The following PCED1B variants were observed in gnomAD, a reference collection of about 807,000 sequenced individuals.
PCED1B encodes PC-esterase domain-containing protein 1B.
For synonymous variants in PCED1B, 251 were observed against 246.1 expected (o/e 1.02, Z -0.19); for missense variants, 573 against 573.9 (o/e 1.00, Z 0.02).
At chr12:47,109,532 A>G (rs1227497943) in intron 2 of PCED1B, among the ~76,000 whole-genome samples, 2 of 152,182 alleles carry the variant, frequency 1.3e-5, no homozygotes, top group Non-Finnish European at 2.9e-5. Context: ...AGAAAATGGC[A>G]AGTTTCTGGA....
At chr12:47,168,319 A>G (rs1941610203) in intron 2 of PCED1B, among the ~76,000 whole-genome samples, 1 of 152,156 alleles carries the variant, frequency 6.6e-6, no homozygotes, top group African/African-American at 2.4e-5. Context: ...CAAGAACATC[A>G]TTTATTCCCT....
chr12:47,169,393 A>G (rs1941646718), intron 2 of PCED1B, among the ~76,000 whole-genome samples: 1 of 151,904 alleles, frequency 6.6e-6, no homozygotes, highest in Non-Finnish European at 1.5e-5. Flanking sequence ...AGGGGAGAAG[A>G]AAGTGTCAGA....
chr12:47,118,624 T>G (rs971821563), intron 2 of PCED1B, among the ~76,000 whole-genome samples: 1 of 152,234 alleles, frequency 6.6e-6, no homozygotes, highest in African/African-American at 2.4e-5. Context: ...TCAGGTAGCA[T>G]GATGCCCCCA....
intron 1 of PCED1B, among the ~76,000 whole-genome samples, chr12:47,094,967 C>T (rs1041333501): frequency 8.1e-5 from 12 of 148,666 alleles, no homozygotes; most frequent in African/African-American, 1.5e-4. Context: ...AATGCAGTGG[C>T]GTGATCATGG....
At chr12:47,182,032 C>T (rs533185531) in intron 2 of PCED1B, among the ~76,000 whole-genome samples, 1 of 152,328 alleles carries the variant, frequency 6.6e-6, no homozygotes, top group Non-Finnish European at 1.5e-5. Flanking sequence ...AAGTCACAAA[C>T]AGTTCTGTTT....
chr12:47,225,371 T>C (rs140937214), intron 3 of PCED1B, among the ~76,000 whole-genome samples: 4,831 of 152,346 alleles, frequency 0.032, 128 homozygotes, highest in Non-Finnish European at 0.049. Flanking sequence ...TATAGGTCAC[T>C]GGATGTTAAC....
At chr12:47,234,917 C>T (rs1565618926) in intron 3 of PCED1B, 90 bp from the exon 4 acceptor site, 1 of 626,552 alleles carries the variant, frequency 1.6e-6, no homozygotes, top group East Asian at 3.0e-5. Flanking sequence ...CAGCGCCATC[C>T]CCTTCCCCAT....
intron 2 of PCED1B, among the ~76,000 whole-genome samples, chr12:47,117,031 G>A (rs533449649): frequency 6.6e-6 from 1 of 152,076 alleles, no homozygotes; most frequent in Non-Finnish European, 1.5e-5. Context: ...CTAGCTACTT[G>A]GGAGGCTGAG....
At chr12:47,187,897 T>G (rs1407499092) in intron 2 of PCED1B, 1 of 154,016 alleles carries the variant, frequency 6.5e-6, no homozygotes, top group Non-Finnish European at 1.5e-5. Context: ...GAGCAAAACT[T>G]TCACCTGCGC....
intron 2 of PCED1B, among the ~76,000 whole-genome samples, chr12:47,161,260 G>T (rs1941367595): frequency 6.6e-6 from 1 of 152,092 alleles, no homozygotes; most frequent in Non-Finnish European, 1.5e-5. Context: ...GGCGACATAT[G>T]GTGTCAGAAA....
At chr12:47,094,947 C>T (rs1212850140) in intron 1 of PCED1B, among the ~76,000 whole-genome samples, 3 of 149,194 alleles carry the variant, frequency 2.0e-5, no homozygotes, top group African/African-American at 7.4e-5. Context: ...CGTTTTGTCA[C>T]ACAAGCTGGA....
At chr12:47,154,356 G>A (rs1941116568) in intron 2 of PCED1B, among the ~76,000 whole-genome samples, 1 of 152,130 alleles carries the variant, frequency 6.6e-6, no homozygotes, top group African/African-American at 2.4e-5. Flanking sequence ...GCACCTGAGG[G>A]AGCTGGGGTT....
chr12:47,149,180 A>G (rs1017975980), intron 2 of PCED1B, among the ~76,000 whole-genome samples: 2 of 152,216 alleles, frequency 1.3e-5, no homozygotes, highest in African/African-American at 4.8e-5. Flanking sequence ...GACATCACTC[A>G]ATTACTTTCA....
chr12:47,117,050 A>G (rs1939451027), intron 2 of PCED1B, among the ~76,000 whole-genome samples: 1 of 152,020 alleles, frequency 6.6e-6, no homozygotes, highest in Non-Finnish European at 1.5e-5. Flanking sequence ...AGATGGGAGG[A>G]CTGTTTGAGC....
chr12:47,200,028 T>A (rs1473904490), intron 2 of PCED1B, among the ~76,000 whole-genome samples: 1 of 150,126 alleles, frequency 6.7e-6, no homozygotes, highest in Non-Finnish European at 1.5e-5. Flanking sequence ...ACCACATCAC[T>A]ACAATACAAA....
chr12:47,183,588 T>C (rs529097087), intron 2 of PCED1B, among the ~76,000 whole-genome samples: 1 of 152,238 alleles, frequency 6.6e-6, no homozygotes, highest in African/African-American at 2.4e-5. Flanking sequence ...CAGAACCATT[T>C]CTTTTTTTTT....
chr12:47,122,883 G>C (rs1435143387), intron 2 of PCED1B, among the ~76,000 whole-genome samples: 5 of 152,180 alleles, frequency 3.3e-5, no homozygotes, highest in Non-Finnish European at 1.5e-5. Context: ...ACTAAAGAAT[G>C]TCACTGACCT....
At chr12:47,168,910 C>G (rs1255349894) in intron 2 of PCED1B, among the ~76,000 whole-genome samples, 2 of 151,774 alleles carry the variant, frequency 1.3e-5, no homozygotes, top group African/African-American at 2.4e-5. Context: ...TTTTTTCAAC[C>G]AAGAGTATGA....
At chr12:47,192,678 C>A (rs1446926222) in intron 2 of PCED1B, among the ~76,000 whole-genome samples, 1 of 152,176 alleles carries the variant, frequency 6.6e-6, no homozygotes, top group African/African-American at 2.4e-5. Context: ...TTGAGTCCAT[C>A]AGAGCTGACT....
Sources: allele counts gnomAD v4.1 joint callset (sites outside exome capture counted in the v4.1 genomes callset), GRCh38; gene constraint gnomAD v4.1.1; transcripts MANE v1.5; gene names NCBI Gene and HGNC (gene_info 2026-07-23, HGNC 2026-07-21).